The following RBM47 variants were observed in gnomAD, a reference collection of about 807,000 sequenced individuals.
RBM47 encodes RNA binding motif protein 47.
Under a neutral mutation model 47.1 loss-of-function variants are expected in RBM47, and 21 were observed. The observed-to-expected ratio is 0.45, with a 90% CI of 0.32 to 0.64. The LOEUF is 0.64. Among genes scored for constraint, RBM47 ranks in the 30% least tolerant of loss-of-function variants. RBM47 has a pLI of 0.05. For missense variants in RBM47, 708 were observed against 870.9 expected (o/e 0.81, Z 2.35); for synonymous variants, 375 against 361.7 (o/e 1.04, Z -0.42).
chr4:40,489,247 T>C (rs1721538819), intron 2 of RBM47, among the ~76,000 whole-genome samples: 1 of 151,786 alleles, frequency 6.6e-6, no homozygotes, highest in Non-Finnish European at 1.5e-5. Context: ...CAGTAAACAA[T>C]CTAAGCTTTC....
chr4:40,429,392 A>C (rs949444917), intron 6 of RBM47, among the ~76,000 whole-genome samples: 1 of 152,144 alleles, frequency 6.6e-6, no homozygotes, highest in Non-Finnish European at 1.5e-5. Context: ...GAAGGAAAAA[A>C]AAATTCGTTC....
chr4:40,509,608 G>A (rs1462568359), intron 2 of RBM47, among the ~76,000 whole-genome samples: 3 of 152,158 alleles, frequency 2.0e-5, no homozygotes, highest in Non-Finnish European at 4.4e-5. Context: ...TGGGCCGGGC[G>A]CGGTGGCTTA....
At chr4:40,602,816 A>G (rs1220979003) in intron 1 of RBM47, among the ~76,000 whole-genome samples, 1 of 151,934 alleles carries the variant, frequency 6.6e-6, no homozygotes, top group Non-Finnish European at 1.5e-5. Context: ...ATTTTTGCAA[A>G]TCACTTTTCT....
At chr4:40,574,962 C>T (rs1052367902) in intron 1 of RBM47, among the ~76,000 whole-genome samples, 4 of 152,146 alleles carry the variant, frequency 2.6e-5, no homozygotes, top group Non-Finnish European at 5.9e-5. Context: ...TCCCCTAAAA[C>T]ATGGGAGCTG....
At chr4:40,576,268 G>C (rs1190585799) in intron 1 of RBM47, among the ~76,000 whole-genome samples, 3 of 140,402 alleles carry the variant, frequency 2.1e-5, no homozygotes, top group East Asian at 2.1e-4. Flanking sequence ...GGGGGGGGCG[G>C]AGACAGGGTC....
chr4:40,476,865 T>A (rs1342245480), intron 2 of RBM47, among the ~76,000 whole-genome samples: 1 of 152,222 alleles, frequency 6.6e-6, no homozygotes, highest in Non-Finnish European at 1.5e-5. Context: ...CAGTTTTCCC[T>A]GAGTCATCAC....
chr4:40,603,854 G>A (rs566856446), intron 1 of RBM47, among the ~76,000 whole-genome samples: 5 of 152,116 alleles, frequency 3.3e-5, no homozygotes, highest in South Asian at 4.2e-4. Flanking sequence ...TGCCTGCCTC[G>A]GCCTCCCAAA....
At chr4:40,564,377 T>C (rs1461173871) in intron 1 of RBM47, among the ~76,000 whole-genome samples, 2 of 152,192 alleles carry the variant, frequency 1.3e-5, no homozygotes, top group African/African-American at 4.8e-5. Context: ...TTTATGAAGG[T>C]GAGCTACCCC....
intron 1 of RBM47, among the ~76,000 whole-genome samples, chr4:40,565,095 G>A (rs1275295729): frequency 2.0e-5 from 3 of 152,236 alleles, no homozygotes; most frequent in Non-Finnish European, 4.4e-5. Flanking sequence ...CTTGTCTGCA[G>A]ATGCAACCTT....
intron 1 of RBM47, among the ~76,000 whole-genome samples, chr4:40,606,620 G>T (rs1229556081): frequency 1.3e-5 from 2 of 152,130 alleles, no homozygotes; most frequent in Non-Finnish European, 2.9e-5. Context: ...ACACTGCCTG[G>T]ATTTGGTCTC....
At chr4:40,529,500 A>G (rs1369502294) in intron 2 of RBM47, among the ~76,000 whole-genome samples, 3 of 136,120 alleles carry the variant, frequency 2.2e-5, no homozygotes, top group African/African-American at 8.6e-5. Context: ...TGGGTGACAG[A>G]AGGAGACTCT....
At chr4:40,453,743 C>T (rs1715801144) in intron 3 of RBM47, among the ~76,000 whole-genome samples, 2 of 151,940 alleles carry the variant, frequency 1.3e-5, no homozygotes, top group African/African-American at 4.8e-5. Flanking sequence ...AACAGAGCAG[C>T]GCTAAAAGAG....
chr4:40,499,869 C>T (rs1045948106), intron 2 of RBM47, among the ~76,000 whole-genome samples: 4 of 152,150 alleles, frequency 2.6e-5, no homozygotes, highest in Non-Finnish European at 5.9e-5. Flanking sequence ...TGCTTAATGC[C>T]GCTCTTTTGC....
intron 1 of RBM47, among the ~76,000 whole-genome samples, chr4:40,619,940 G>A (rs1737098495): frequency 6.6e-6 from 1 of 152,198 alleles, no homozygotes; most frequent in Non-Finnish European, 1.5e-5. Context: ...TCTCACGCCT[G>A]TAATCCCAAC....
intron 1 of RBM47, among the ~76,000 whole-genome samples, chr4:40,549,690 T>C (rs1200740024): frequency 6.6e-6 from 1 of 150,812 alleles, no homozygotes; most frequent in East Asian, 1.9e-4. Flanking sequence ...GCCCAGCTAA[T>C]TTTTTTTTGA....
intron 5 of RBM47, among the ~76,000 whole-genome samples, chr4:40,433,996 G>A (rs1383303816): frequency 3.5e-5 from 2 of 57,432 alleles, no homozygotes; most frequent in Non-Finnish European, 7.9e-5. Flanking sequence ...GTGTGTGTGG[G>A]GCGGGGGTGT....
chr4:40,452,708 T>C (rs1715629414), intron 3 of RBM47, among the ~76,000 whole-genome samples: 1 of 152,136 alleles, frequency 6.6e-6, no homozygotes, highest in African/African-American at 2.4e-5. Context: ...TAAGCCTTTT[T>C]TCTACAATTA....
chr4:40,598,581 C>G (rs1373657284), intron 1 of RBM47, among the ~76,000 whole-genome samples: 11 of 150,486 alleles, frequency 7.3e-5, no homozygotes, highest in Non-Finnish European at 1.5e-4. Context: ...GATGCTTTGT[C>G]TCAAAAAAAA....
At chr4:40,579,784 G>T (rs1197897379) in intron 1 of RBM47, among the ~76,000 whole-genome samples, 2 of 149,868 alleles carry the variant, frequency 1.3e-5, no homozygotes, top group South Asian at 4.2e-4. Context: ...GTCTCACTCT[G>T]TCACCCAGGC....
Sources: allele counts gnomAD v4.1 joint callset (sites outside exome capture counted in the v4.1 genomes callset), GRCh38; gene constraint gnomAD v4.1.1; transcripts MANE v1.5; gene names NCBI Gene and HGNC (gene_info 2026-07-23, HGNC 2026-07-21).